Variants in FARP1 observed in about 807,000 individuals in gnomAD.
FARP1 encodes the protein FERM, ARHGEF and pleckstrin domain-containing protein 1.
A neutral mutation model predicts 128.8 loss-of-function variants in FARP1; 52 were observed. The ratio of observed to expected loss-of-function variants is 0.40; its 90% CI spans 0.32 to 0.51. The LOEUF (loss-of-function observed/expected upper bound fraction) is 0.51, where lower values mean the gene tolerates loss of function less well. FARP1 is among the 20% of genes least tolerant of loss of function. The pLI is 0.45. For synonymous variants in FARP1, 580 were observed against 551.8 expected, an observed-to-expected ratio of 1.05 and a Z score of -0.72; for missense variants, 1,333 against 1,367.9, an observed-to-expected ratio of 0.97 and a Z score of 0.40.
At chr13:98,169,907 ATATTATTTGATTAT>A (rs1010701517) in intron 1 of FARP1, among the ~76,000 whole-genome samples, 10 of 152,160 alleles carry the variant, frequency 6.6e-5, no homozygotes, top group Non-Finnish European at 1.3e-4. Flanking sequence ...AAAAAACTTC[ATATTATTTGATTAT>A]TAGGGCTTTA....
intron 2 of FARP1, among the ~76,000 whole-genome samples, chr13:98,335,868 A>G (rs1887718380): frequency 6.6e-6 from 1 of 152,210 alleles, no homozygotes. Context: ...AAGGCCTTCG[A>G]GACCAGCCAT....
chr13:98,358,485 G>A (rs1247243232), intron 3 of FARP1, among the ~76,000 whole-genome samples: 1 of 152,062 alleles, frequency 6.6e-6, no homozygotes, highest in East Asian at 1.9e-4. Context: ...GACCGGAAGT[G>A]AAAATCTCTA....
rs1893186426 is a variant in FARP1, at chr13:98,451,395, A to G, written c.*3078A>G. The G allele has an allele frequency of 6.6e-6, 1 of 152,246 alleles. No homozygotes were observed. Among genetic ancestry groups the G allele is most frequent in the Non-Finnish European group, 1.5e-5 (1 of 68,042 alleles). 9.4% of individuals were successfully genotyped at this position (152,246 alleles called of 1,614,324 possible). On this transcript the variant is annotated 3_prime_UTR_variant, in exon 27 of 27. Coordinates refer to ENST00000319562, the MANE Select transcript of FARP1 (RefSeq NM_005766.4). ...TCAACATAACATTCTTGTATGGAGT[A>G]ATGAGTACAATAAGAATTAGCAACT...
At position 98,395,363 on chromosome 13, in the gene FARP1, C is replaced by T. The variant is rs780387697; in HGVS notation, c.1301C>T (p.Pro434Leu). ...SHPSPAPRRS[P>L]AGNKQADGAA... Reference sequence around the variant, plus strand: ...CCGAGCCCTGCGCCGAGGAGAAGCCCCGCGGGTAACAAGCAGGCGGACGGA... The same window carrying T: ...CCGAGCCCTGCGCCGAGGAGAAGCCTCGCGGGTAACAAGCAGGCGGACGGA... Residue 434 changes from proline to leucine, a missense_variant, in exon 13 of 27, where the codon CCC becomes CTC. Coordinates refer to ENST00000319562, the MANE Select transcript of FARP1 (RefSeq NM_005766.4). The T allele has an allele frequency of 1.2e-6, 2 of 1,611,892 alleles. No individual in the cohort carries two copies. Among genetic ancestry groups the T allele is most frequent in the Non-Finnish European group, 1.7e-6 (2 of 1,179,136 alleles).
At chr13:98,219,367 T>A (rs1451974193) in intron 2 of FARP1, among the ~76,000 whole-genome samples, 1 of 152,122 alleles carries the variant, frequency 6.6e-6, no homozygotes. Flanking sequence ...AGTCTTTTTT[T>A]TTTTTGAGAC....
intron 16 of FARP1, among the ~76,000 whole-genome samples, chr13:98,418,923 C>T (rs1009876168): frequency 1.4e-4 from 22 of 152,232 alleles, no homozygotes; most frequent in African/African-American, 5.3e-4. Flanking sequence ...GGTGGTAAAC[C>T]TCAGGAAGGC....
intron 2 of FARP1, among the ~76,000 whole-genome samples, chr13:98,311,215 T>G (rs1236085340): frequency 5.9e-5 from 9 of 152,230 alleles, no homozygotes; most frequent in Admixed American, 5.9e-4. Context: ...ACCTGCAAGC[T>G]TCAGGAAGTT....
At chr13:98,245,925 C>CGCCACCAT (rs1883026269) in intron 2 of FARP1, among the ~76,000 whole-genome samples, 1 of 151,370 alleles carries the variant, frequency 6.6e-6, no homozygotes, top group Non-Finnish European at 1.5e-5. Context: ...CACGCCGCCA[C>CGCCACCAT]GCCACCATGC....
At chr13:98,149,347 G>A (rs1393086435) in intron 1 of FARP1, among the ~76,000 whole-genome samples, 4 of 152,012 alleles carry the variant, frequency 2.6e-5, no homozygotes, top group Non-Finnish European at 5.9e-5. Context: ...TATGACTTGC[G>A]TATCCACTCC....
intron 2 of FARP1, among the ~76,000 whole-genome samples, chr13:98,267,909 C>T (rs1318908919): frequency 4.0e-5 from 6 of 151,818 alleles, no homozygotes; most frequent in African/African-American, 1.2e-4. Context: ...AGCAAAGCTA[C>T]AGCTTCAAGG....
intron 8 of FARP1, among the ~76,000 whole-genome samples, chr13:98,387,756 C>T (rs1442173287): frequency 6.6e-6 from 1 of 152,178 alleles, no homozygotes; most frequent in African/African-American, 2.4e-5. Flanking sequence ...GGCCTGGCCT[C>T]CCATCCTCAG....
intron 2 of FARP1, chr13:98,244,537 C>G: frequency 6.2e-7 from 1 of 1,614,180 alleles, no homozygotes; most frequent in Non-Finnish European, 8.5e-7. Context: ...TCCTCCTGGA[C>G]GGGTTGGGTA....
intron 13 of FARP1, chr13:98,397,302 G>C (rs1419307599): frequency 1.3e-5 from 2 of 152,216 alleles, no homozygotes; most frequent in Non-Finnish European, 1.5e-5. Flanking sequence ...AATAGGCACT[G>C]TTGTCACCAG....
chr13:98,190,812 G>T (rs1444212358), intron 1 of FARP1, among the ~76,000 whole-genome samples: 1 of 151,098 alleles, frequency 6.6e-6, no homozygotes, highest in Admixed American at 6.6e-5. Flanking sequence ...CTCCCAAAGT[G>T]CTTAGATTAC....
chr13:98,243,626 G>A (rs948539317), intron 2 of FARP1, among the ~76,000 whole-genome samples: 1 of 150,940 alleles, frequency 6.6e-6, no homozygotes. Flanking sequence ...GAACCCAGGA[G>A]GCGGAGGTTG....
intron 1 of FARP1, among the ~76,000 whole-genome samples, chr13:98,201,004 G>A (rs1263625183): frequency 6.6e-6 from 1 of 152,144 alleles, no homozygotes; most frequent in Non-Finnish European, 1.5e-5. Flanking sequence ...GGGTAATTGG[G>A]ATAGCCATTG....
rs148511043 is a variant in FARP1, at chr13:98,440,779, C to G, written c.2739C>G (p.His913Gln). ...QAPHRGNTMV[H>Q]VCWHRNTSVS... ...CGCACCGCGGCAACACAATGGTGCA[C>G]GTGTGCTGGCACCGCAACACCAGCG... Residue 913 changes from histidine (H) to glutamine (Q), a missense_variant, in exon 24 of 27, where the codon CAC becomes CAG. Physicochemically the swap from His to Gln is conservative, Grantham distance 24. Transcript: ENST00000319562. 2.5e-6 allele frequency: 4 copies of G among 1,613,058 alleles called. No homozygotes were observed. The highest frequency in any genetic ancestry group is 3.4e-6 in the Non-Finnish European group (4 of 1,179,868).
chr13:98,362,447 G>C (rs1888910673), intron 3 of FARP1, among the ~76,000 whole-genome samples: 1 of 152,194 alleles, frequency 6.6e-6, no homozygotes, highest in African/African-American at 2.4e-5. Context: ...GTGTGAGTTT[G>C]AGACAGTTCT....
At chr13:98,300,636 C>T (rs371737852) in intron 2 of FARP1, among the ~76,000 whole-genome samples, 1 of 152,202 alleles carries the variant, frequency 6.6e-6, no homozygotes, top group African/African-American at 2.4e-5. Flanking sequence ...GGTGAAGCCA[C>T]TTCTCTGCTC....
Sources: allele counts gnomAD v4.1 joint callset (sites outside exome capture counted in the v4.1 genomes callset), GRCh38; gene constraint gnomAD v4.1.1; transcripts MANE v1.5; gene names NCBI Gene and HGNC (gene_info 2026-07-23, HGNC 2026-07-21).